MRPS18A: variants seen among roughly 807,000 people sequenced by gnomAD.
MRPS18A encodes mitochondrial ribosomal protein S18A.
A neutral mutation model predicts 22.7 loss-of-function variants in MRPS18A; 20 were observed. The ratio of observed to expected loss-of-function variants is 0.88; its 90% CI spans 0.62 to 1.28. MRPS18A has a LOEUF of 1.28. Among genes scored for constraint, MRPS18A ranks in the 50% most tolerant of loss-of-function variants. The pLI is 0.00. For missense variants in MRPS18A, 294 were observed against 262.6 expected, an observed-to-expected ratio of 1.12 and a Z score of -0.83; for synonymous variants, 106 against 99.1, an observed-to-expected ratio of 1.07 and a Z score of -0.41.
At chr6:43,681,705 T>C (rs999186233) in intron 1 of MRPS18A, among the ~76,000 whole-genome samples, 5 of 152,236 alleles carry the variant, frequency 3.3e-5, no homozygotes, top group African/African-American at 1.2e-4. Context: ...TGCATTTTAT[T>C]ATCTATACTG....
intron 5 of MRPS18A, among the ~76,000 whole-genome samples, chr6:43,674,077 G>A (rs1443153090): frequency 6.6e-6 from 1 of 152,218 alleles, no homozygotes; most frequent in South Asian, 2.1e-4. Context: ...GCTGGCAGAT[G>A]GCTGAGCTAG....
chr6:43,687,086 G>C (rs1446544087), intron 1 of MRPS18A, among the ~76,000 whole-genome samples: 1 of 152,216 alleles, frequency 6.6e-6, no homozygotes, highest in Non-Finnish European at 1.5e-5. Context: ...CTCAGTTGAT[G>C]CTCGAATCAG....
At chr6:43,685,622 G>A (rs1398490832) in intron 1 of MRPS18A, among the ~76,000 whole-genome samples, 1 of 152,168 alleles carries the variant, frequency 6.6e-6, no homozygotes, top group East Asian at 1.9e-4. Context: ...CTCAAGAGCT[G>A]ACTAAAATTA....
intron 1 of MRPS18A, among the ~76,000 whole-genome samples, chr6:43,685,917 C>T (rs1445305786): frequency 6.6e-6 from 1 of 152,162 alleles, no homozygotes; most frequent in Non-Finnish European, 1.5e-5. Flanking sequence ...TTAATTCAAC[C>T]TAACATTTAG....
At chr6:43,677,007 GA>G (rs909542896) in intron 3 of MRPS18A, among the ~76,000 whole-genome samples, 1 of 152,242 alleles carries the variant, frequency 6.6e-6, no homozygotes, top group Non-Finnish European at 1.5e-5. Flanking sequence ...GCTCTGAGTG[GA>G]AAGGGGTAAG....
chr6:43,677,760 C>T (rs1397163370), intron 3 of MRPS18A, among the ~76,000 whole-genome samples: 1 of 152,122 alleles, frequency 6.6e-6, no homozygotes, highest in Admixed American at 6.5e-5. Context: ...GAAACTAGTA[C>T]CTACTTCATA....
intron 1 of MRPS18A, 87 bp from the exon 2 acceptor site, chr6:43,681,207 G>C (rs1774391419): frequency 7.3e-7 from 1 of 1,366,120 alleles, no homozygotes; most frequent in Non-Finnish European, 1.0e-6. Context: ...TACACATCTG[G>C]AAAAAAGCAG....
intron 2 of MRPS18A, among the ~76,000 whole-genome samples, chr6:43,680,280 T>C (rs1326997878): frequency 6.6e-6 from 1 of 151,634 alleles, no homozygotes; most frequent in African/African-American, 2.4e-5. Flanking sequence ...TGAGGCTAAG[T>C]AGTGGAAAGG....
intron 2 of MRPS18A, among the ~76,000 whole-genome samples, chr6:43,680,640 A>G (rs906833376): frequency 6.6e-6 from 1 of 152,224 alleles, no homozygotes; most frequent in Non-Finnish European, 1.5e-5. Flanking sequence ...TAGTGAGGCC[A>G]GGGCCGGGAG....
At chr6:43,678,487 C>A (rs777864386) in intron 3 of MRPS18A, 31 bp downstream of exon 3, 1 of 1,517,264 alleles carries the variant, frequency 6.6e-7, no homozygotes. Context: ...TCATGACACA[C>A]AGAACCGAGT....
At chr6:43,680,004 T>C (rs1235929937) in intron 2 of MRPS18A, among the ~76,000 whole-genome samples, 1 of 152,162 alleles carries the variant, frequency 6.6e-6, no homozygotes, top group Non-Finnish European at 1.5e-5. Flanking sequence ...GAGAATAATA[T>C]CCAGTCAGCC....
intron 2 of MRPS18A, among the ~76,000 whole-genome samples, chr6:43,680,241 T>TGGGG (rs35228097): frequency 6.6e-6 from 1 of 151,624 alleles, no homozygotes; most frequent in African/African-American, 2.4e-5. Context: ...CTAAGGGGAT[T>TGGGG]GGGGGGGGTC....
intron 1 of MRPS18A, among the ~76,000 whole-genome samples, chr6:43,682,112 C>A (rs1774452924): frequency 6.6e-6 from 1 of 152,158 alleles, no homozygotes; most frequent in Admixed American, 6.6e-5. Context: ...GGAGACCAGC[C>A]TGCGCAATGT....
At chr6:43,675,994 G>T (rs1400807763) in intron 3 of MRPS18A, among the ~76,000 whole-genome samples, 2 of 151,946 alleles carry the variant, frequency 1.3e-5, no homozygotes, top group Non-Finnish European at 2.9e-5. Flanking sequence ...TGAGTAGCTG[G>T]GACTATAGGT....
chr6:43,687,209 G>C (rs1774754287), intron 1 of MRPS18A, among the ~76,000 whole-genome samples: 1 of 152,142 alleles, frequency 6.6e-6, no homozygotes, highest in Admixed American at 6.5e-5. Flanking sequence ...AGGGAGACTA[G>C]CGGCCCGGGG....
chr6:43,672,140 G>A (rs1414353908), intron 5 of MRPS18A: 2 of 591,242 alleles, frequency 3.4e-6, no homozygotes, highest in African/African-American at 3.7e-5. Context: ...GGCAGCCCAG[G>A]GCCACAAGCT....
At position 43,685,584 on chromosome 6, in the gene MRPS18A, T is replaced by C. The variant is rs34624066; in HGVS notation, c.112+2084A>G. On this transcript the variant is annotated intron_variant, in intron 1 of 5. Coordinates refer to ENST00000372133, the MANE Select transcript of MRPS18A (RefSeq NM_018135.4). ...AATCACTGTTTTAGACTGAAAGTCT[T>C]CATAGACAGGAAAATTGGTGCTCAG... Among the ~76,000 whole-genome samples, 14 of 152,324 alleles carry C rather than the reference T, an allele frequency of 9.2e-5. No homozygotes were observed. In the East Asian group the frequency reaches 2.3e-3, roughly 25 times the overall value.
intron 5 of MRPS18A, 89 bp downstream of exon 5, chr6:43,675,113 G>T: frequency 8.5e-7 from 1 of 1,181,108 alleles, no homozygotes; most frequent in Non-Finnish European, 1.2e-6. Flanking sequence ...GGATGCTTAA[G>T]CTGGCAGGGA....
At chr6:43,672,760 A>C (rs182243095) in intron 5 of MRPS18A, among the ~76,000 whole-genome samples, 1 of 152,218 alleles carries the variant, frequency 6.6e-6, no homozygotes, top group Non-Finnish European at 1.5e-5. Flanking sequence ...AAAAACTCTT[A>C]GATAAAAGAA....
Sources: gnomAD v4.1 joint callset for allele counts (sites outside exome capture counted in the v4.1 genomes callset) on GRCh38, gnomAD v4.1.1 for gene constraint, MANE v1.5 for transcripts, NCBI Gene and HGNC (gene_info 2026-07-23, HGNC 2026-07-21) for gene names.